PSD3: variants seen among roughly 807,000 people sequenced by gnomAD.
The protein encoded by PSD3 is PH and SEC7 domain-containing protein 3.
PSD3 carries 49 observed loss-of-function variants against 105.5 expected under a neutral mutation model. That is an observed-to-expected ratio of 0.46 (90% CI 0.37 to 0.59). The LOEUF is 0.59. Ranked by LOEUF, PSD3 falls within the 20% of genes least tolerant of loss-of-function variation. The pLI, the probability that PSD3 is intolerant of heterozygous loss-of-function variation, is 0.00. For synonymous variants in PSD3, 557 were observed against 457.8 expected (o/e 1.22, Z -2.77); for missense variants, 1,561 against 1,263.8 (o/e 1.24, Z -3.57).
chr8:18,735,227 C>A (rs1251561390), intron 9 of PSD3, among the ~76,000 whole-genome samples: 1 of 152,086 alleles, frequency 6.6e-6, no homozygotes, highest in Non-Finnish European at 1.5e-5. Context: ...TAAGAGGAGA[C>A]TACTTACCGC....
chr8:18,928,657 G>GTTCTCTC (rs1821531544), intron 2 of PSD3, among the ~76,000 whole-genome samples: 1 of 152,088 alleles, frequency 6.6e-6, no homozygotes, highest in African/African-American at 2.4e-5. Context: ...GTCAGTGGGT[G>GTTCTCTC]TTCTCTCTCT....
intron 9 of PSD3, among the ~76,000 whole-genome samples, chr8:18,738,646 A>G (rs1032133118): frequency 6.6e-5 from 10 of 152,178 alleles, no homozygotes; most frequent in Admixed American, 5.2e-4. Context: ...TAGGCTGAAA[A>G]TCAAACTGGC....
chr8:18,873,338 G>C (rs1418545326), intron 2 of PSD3, among the ~76,000 whole-genome samples: 2 of 152,176 alleles, frequency 1.3e-5, no homozygotes, highest in Non-Finnish European at 2.9e-5. Context: ...GAGAAACTTA[G>C]TGTGTTGAGA....
chr8:18,958,496 T>G (rs944103158), intron 1 of PSD3, among the ~76,000 whole-genome samples: 1 of 152,178 alleles, frequency 6.6e-6, no homozygotes, highest in Non-Finnish European at 1.5e-5. Context: ...ACTCAAGGAA[T>G]TACAGAAAAC....
chr8:18,633,039 T>A (rs1406205476), intron 10 of PSD3, among the ~76,000 whole-genome samples: 1 of 151,998 alleles, frequency 6.6e-6, no homozygotes, highest in African/African-American at 2.4e-5. Context: ...GATAAGGAAA[T>A]AGACTCAGTG....
At chr8:18,567,957 G>C (rs1801897884) in intron 14 of PSD3, among the ~76,000 whole-genome samples, 1 of 152,176 alleles carries the variant, frequency 6.6e-6, no homozygotes, top group South Asian at 2.1e-4. Context: ...ATGATAATGA[G>C]GTAGTTCTTG....
chr8:18,668,141 G>A (rs1053664722), intron 9 of PSD3, among the ~76,000 whole-genome samples: 1 of 152,238 alleles, frequency 6.6e-6, no homozygotes, highest in Non-Finnish European at 1.5e-5. Flanking sequence ...ACAGTGCAGC[G>A]GCAGGCTGAA....
intron 1 of PSD3, among the ~76,000 whole-genome samples, chr8:18,969,098 A>T (rs1321052232): frequency 2.0e-5 from 3 of 152,226 alleles, no homozygotes; most frequent in African/African-American, 7.2e-5. Flanking sequence ...TCTTTAAATT[A>T]CAACATAAAA....
chr8:18,984,046 A>T (rs995833303), intron 1 of PSD3, among the ~76,000 whole-genome samples: 6 of 151,550 alleles, frequency 4.0e-5, no homozygotes, highest in Non-Finnish European at 5.9e-5. Context: ...ATCGCAGATC[A>T]TAACAATAGG....
At chr8:18,589,856 A>T (rs1012526077) in intron 12 of PSD3, among the ~76,000 whole-genome samples, 46 of 152,186 alleles carry the variant, frequency 3.0e-4, no homozygotes, top group African/African-American at 1.1e-3. Context: ...TGATTTAAGA[A>T]ATCTGTCCAC....
At chr8:18,819,910 C>A (rs928204304) in intron 4 of PSD3, among the ~76,000 whole-genome samples, 18 of 152,194 alleles carry the variant, frequency 1.2e-4, no homozygotes, top group Non-Finnish European at 2.2e-4. Flanking sequence ...CCAGTGTGAA[C>A]CCTGGCAGCC....
intron 4 of PSD3, among the ~76,000 whole-genome samples, chr8:18,836,956 T>TC (rs1814163525): frequency 6.6e-6 from 1 of 151,730 alleles, no homozygotes; most frequent in South Asian, 2.1e-4. Flanking sequence ...TTACGTGTTT[T>TC]TTTTTTTTTT....
At chr8:19,032,931 A>T (rs1392557921) in intron 1 of PSD3, among the ~76,000 whole-genome samples, 1 of 152,162 alleles carries the variant, frequency 6.6e-6, no homozygotes, top group Non-Finnish European at 1.5e-5. Flanking sequence ...AAAATGCCAC[A>T]TAAATGTCAC....
chr8:18,645,266 T>C (rs2130812803), intron 10 of PSD3, among the ~76,000 whole-genome samples: 1 of 152,354 alleles, frequency 6.6e-6, no homozygotes, highest in South Asian at 2.1e-4. Flanking sequence ...GAAAATCTTT[T>C]TCCTTTAAAT....
chr8:18,868,880 C>T (rs1241366392), intron 3 of PSD3, among the ~76,000 whole-genome samples: 1 of 152,180 alleles, frequency 6.6e-6, no homozygotes, highest in Non-Finnish European at 1.5e-5. Context: ...TTTTGGCTGT[C>T]TCAATTACTA....
In PSD3 at chr8:18,966,505, A is replaced by C. The variant is rs548294006; in HGVS notation, c.22-30363T>G. Among the ~76,000 whole-genome samples the C allele has an allele frequency of 1.0e-3, 151 of 149,514 alleles. 1 individual carries two copies. Among genetic ancestry groups the C allele is most frequent in the African/African-American group, 3.5e-3 (144 of 40,860 alleles). On this transcript the variant is annotated intron_variant, in intron 1 of 15. Coordinates refer to ENST00000327040, the MANE Select transcript of PSD3 (RefSeq NM_015310.4). ...AGAATTACTTGAACCTGGGAGGTGGAGGTTGCAGTGAGCTGAGATTGCACC... is the reference window on the plus strand; with the variant it reads ...AGAATTACTTGAACCTGGGAGGTGGCGGTTGCAGTGAGCTGAGATTGCACC...
At chr8:18,559,530 G>A (rs1801269562) in intron 14 of PSD3, among the ~76,000 whole-genome samples, 1 of 151,992 alleles carries the variant, frequency 6.6e-6, no homozygotes, top group Admixed American at 6.6e-5. Flanking sequence ...TTTGTGGTTA[G>A]GAAATAATTA....
intron 9 of PSD3, among the ~76,000 whole-genome samples, chr8:18,704,062 C>T (rs1256029308): frequency 6.6e-6 from 1 of 152,104 alleles, no homozygotes; most frequent in Non-Finnish European, 1.5e-5. Context: ...AGAAACAAAG[C>T]AAAGCATGAT....
In PSD3 at chr8:18,683,459, C is replaced by A. The variant is rs112113283; in HGVS notation, c.2173-27774G>T. 7.2e-3 allele frequency among the ~76,000 whole-genome samples: 1,092 copies of A among 152,312 alleles called. 4 individuals carry two copies. Among genetic ancestry groups the A allele is most frequent in the Non-Finnish European group, 0.012 (826 of 68,032 alleles). On this transcript the variant is annotated intron_variant, in intron 9 of 15. Transcript: ENST00000327040. The stretch of plus-strand genomic sequence containing the variant: ...CGCACTGAAAAATCATTTGTCAAGG[C>A]AACCTTTCTGAGACCAAAAACAAGA...
Sources: gnomAD v4.1 joint callset for allele counts (sites outside exome capture counted in the v4.1 genomes callset) on GRCh38, gnomAD v4.1.1 for gene constraint, MANE v1.5 for transcripts, NCBI Gene and HGNC (gene_info 2026-07-23, HGNC 2026-07-21) for gene names.